Variants in RGS7 observed in about 807,000 individuals in gnomAD.
RGS7 encodes the protein regulator of G protein signaling 7.
RGS7 carries 27 observed loss-of-function variants against 81.1 expected under a neutral mutation model. The observed-to-expected ratio is 0.33, with a 90% CI of 0.25 to 0.46. The LOEUF is 0.46. Ranked by LOEUF, RGS7 falls within the 20% of genes least tolerant of loss-of-function variation. The pLI, the probability that RGS7 is intolerant of heterozygous loss-of-function variation, is 1.00. For synonymous variants in RGS7, 208 were observed against 207.7 expected (o/e 1.00, Z -0.01); for missense variants, 396 against 607.4 (o/e 0.65, Z 3.66).
At chr1:241,028,307 T>A (rs183802020) in intron 3 of RGS7, among the ~76,000 whole-genome samples, 1 of 152,196 alleles carries the variant, frequency 6.6e-6, no homozygotes, top group Non-Finnish European at 1.5e-5. Context: ...GTGAATTGAA[T>A]TTACCTGACA....
At chr1:241,004,943 A>G (rs1406282408) in intron 3 of RGS7, among the ~76,000 whole-genome samples, 3 of 152,218 alleles carry the variant, frequency 2.0e-5, no homozygotes, top group Non-Finnish European at 4.4e-5. Context: ...AAGGTCAGAG[A>G]AAAAGTTTGC....
rs533306673 is a variant in RGS7 at position 240,919,625 on chromosome 1, A to C, written c.385+11092T>G. The C allele has an allele frequency of 2.6e-5, 9 of 344,664 alleles. No homozygotes were observed. In the South Asian group the frequency reaches 3.2e-4, roughly 12 times the overall value. The allele number at this position is 344,664 out of a possible 1,614,324, so 21.4% of individuals were successfully genotyped here. ...AAAACCTACAGCTAATATAGTACAA[A>C]TGAAAAGTCTCTCTTCTCCCTGCCC... On this transcript the variant is annotated intron_variant, in intron 6 of 18. Transcript: ENST00000440928.
At chr1:241,339,234 C>T (rs1377098630) in intron 2 of RGS7, among the ~76,000 whole-genome samples, 2 of 152,218 alleles carry the variant, frequency 1.3e-5, no homozygotes, top group African/African-American at 4.8e-5. Context: ...CTTTTTAAGG[C>T]TGCGTAGTAT....
intron 2 of RGS7, among the ~76,000 whole-genome samples, chr1:241,349,937 C>T (rs557273748): frequency 6.6e-6 from 1 of 152,304 alleles, no homozygotes; most frequent in South Asian, 2.1e-4. Context: ...CTCACTAGAA[C>T]CACAGAGGCT....
chr1:240,893,524 A>AT (rs1668584374), intron 6 of RGS7, among the ~76,000 whole-genome samples: 1 of 152,124 alleles, frequency 6.6e-6, no homozygotes, highest in Middle Eastern at 3.2e-3. Flanking sequence ...TTATTTAGGA[A>AT]TAGGTCTTAA....
At chr1:241,030,702 T>G (rs911665051) in intron 3 of RGS7, among the ~76,000 whole-genome samples, 3 of 152,134 alleles carry the variant, frequency 2.0e-5, no homozygotes, top group Non-Finnish European at 4.4e-5. Context: ...ACTATACCAC[T>G]GCAATCTGGG....
At chr1:241,304,198 C>T (rs926610507) in intron 2 of RGS7, among the ~76,000 whole-genome samples, 10 of 152,120 alleles carry the variant, frequency 6.6e-5, no homozygotes, top group Admixed American at 2.6e-4. Flanking sequence ...CTCAGACTCC[C>T]GAGTAACTAG....
intron 2 of RGS7, among the ~76,000 whole-genome samples, chr1:241,323,881 A>C (rs2081344919): frequency 6.6e-6 from 1 of 152,242 alleles, no homozygotes; most frequent in African/African-American, 2.4e-5. Flanking sequence ...GCCCTGTGAC[A>C]AAAAGGCCTA....
At chr1:241,298,144 T>C (rs1222073826) in intron 2 of RGS7, among the ~76,000 whole-genome samples, 1 of 152,154 alleles carries the variant, frequency 6.6e-6, no homozygotes, top group African/African-American at 2.4e-5. Context: ...AACCTTAAAC[T>C]GCTCCCCTCA....
At chr1:240,929,250 A>T (rs1674995125) in intron 6 of RGS7, among the ~76,000 whole-genome samples, 2 of 152,120 alleles carry the variant, frequency 1.3e-5, no homozygotes, top group Admixed American at 6.6e-5. Flanking sequence ...CTAGAATTTC[A>T]TATTCTTTAG....
chr1:241,175,040 T>C (rs1396489979), intron 2 of RGS7, among the ~76,000 whole-genome samples: 2 of 151,736 alleles, frequency 1.3e-5, no homozygotes, highest in African/African-American at 2.4e-5. Context: ...GTAGCTGGGA[T>C]TACAGGCGCC....
At chr1:241,337,278 T>C (rs75588699) in intron 2 of RGS7, among the ~76,000 whole-genome samples, 6,773 of 152,224 alleles carry the variant, frequency 0.044, 392 homozygotes, top group African/African-American at 0.13. Context: ...AGTTCAAACA[T>C]ACTCATTTTG....
chr1:240,990,173 T>A (rs758477855), intron 3 of RGS7, among the ~76,000 whole-genome samples: 2 of 152,190 alleles, frequency 1.3e-5, no homozygotes, highest in Non-Finnish European at 2.9e-5. Context: ...AAAATGGTCA[T>A]GCTGGCGAGA....
chr1:241,302,478 G>A (rs2079829806), intron 2 of RGS7, among the ~76,000 whole-genome samples: 1 of 152,140 alleles, frequency 6.6e-6, no homozygotes, highest in Admixed American at 6.5e-5. Flanking sequence ...GAACCCGGGA[G>A]GCGGAGCTTG....
chr1:241,241,521 C>G (rs2076256536), intron 2 of RGS7, among the ~76,000 whole-genome samples: 1 of 152,080 alleles, frequency 6.6e-6, no homozygotes, highest in African/African-American at 2.4e-5. Context: ...TGGAGCTGCC[C>G]CCTTTCCAAG....
At chr1:241,275,958 A>G (rs1035114180) in intron 2 of RGS7, among the ~76,000 whole-genome samples, 1 of 152,252 alleles carries the variant, frequency 6.6e-6, no homozygotes, top group African/African-American at 2.4e-5. Context: ...GGAGCTTCTA[A>G]TGAATCTAAC....
intron 3 of RGS7, among the ~76,000 whole-genome samples, chr1:241,029,212 C>T (rs1044445879): frequency 3.3e-5 from 5 of 152,088 alleles, no homozygotes; most frequent in Middle Eastern, 3.4e-3. Context: ...CACAAAATTA[C>T]CATGGGGGGA....
chr1:241,109,531 T>G (rs2065366296), intron 2 of RGS7, among the ~76,000 whole-genome samples: 1 of 152,204 alleles, frequency 6.6e-6, no homozygotes, highest in Admixed American at 6.5e-5. Context: ...TGCATTAGTT[T>G]TGCTATCTGT....
At chr1:241,346,150 T>TAA (rs11459171) in intron 2 of RGS7, among the ~76,000 whole-genome samples, 111,823 of 151,738 alleles carry the variant, frequency 0.74, 43,806 homozygotes, top group South Asian at 0.87. Flanking sequence ...TAAAATTTGA[T>TAA]AAAAAAAACT....
Sources: allele counts gnomAD v4.1 joint callset (sites outside exome capture counted in the v4.1 genomes callset), GRCh38; gene constraint gnomAD v4.1.1; transcripts MANE v1.5; gene names NCBI Gene and HGNC (gene_info 2026-07-23, HGNC 2026-07-21).